TMEFF1: variants seen among roughly 807,000 people sequenced by gnomAD.
The protein encoded by TMEFF1 is tomoregulin-1.
In TMEFF1, 20 loss-of-function variants were observed where a neutral mutation model predicts 47.5. The ratio of observed to expected loss-of-function variants is 0.42; its 90% CI spans 0.30 to 0.61. The LOEUF is 0.61. Among genes scored for constraint, TMEFF1 ranks in the 20% least tolerant of loss-of-function variants. The pLI, the probability that TMEFF1 is intolerant of heterozygous loss-of-function variation, is 0.19. For synonymous variants in TMEFF1, 162 were observed against 166.3 expected (o/e 0.97, Z 0.20); for missense variants, 411 against 471.1 (o/e 0.87, Z 1.18).
chr9:100,542,982 G>A (rs1838662520), intron 5 of TMEFF1, among the ~76,000 whole-genome samples: 1 of 144,216 alleles, frequency 6.9e-6, no homozygotes. Context: ...AGGCTGGAGT[G>A]CAGTGGTGTG....
rs200527337 is a variant in TMEFF1, at chr9:100,572,587, T to C, written c.969T>C (p.Ser323=). ...TDFSILYVVP[S]RQKLTHVLIA... ...TTAGTATTCTCTATGTAGTGCCAAG[T>C]AGGCAAAAGCTCACTCATGTTCTTA... The change falls in exon 9 of 10, where the codon AGT becomes AGC. Residue 323 remains serine, a synonymous_variant. Transcript: ENST00000374879. The C allele has an allele frequency of 4.0e-5, 65 of 1,613,684 alleles. No individual in the cohort carries two copies. The highest frequency in any genetic ancestry group is 3.3e-5 in the Admixed American group (2 of 59,984).
At chr9:100,516,383 A>G (rs927859001) in intron 4 of TMEFF1, among the ~76,000 whole-genome samples, 3 of 152,152 alleles carry the variant, frequency 2.0e-5, no homozygotes, top group East Asian at 1.9e-4. Context: ...TCAGTGTTAT[A>G]TGGTAATTTT....
intron 5 of TMEFF1, among the ~76,000 whole-genome samples, chr9:100,546,337 A>G (rs1838731836): frequency 6.6e-6 from 1 of 152,164 alleles, no homozygotes; most frequent in African/African-American, 2.4e-5. Flanking sequence ...GTGCTTGTGC[A>G]GAGAAACTCC....
At chr9:100,480,076 G>A (rs1405449940) in intron 1 of TMEFF1, among the ~76,000 whole-genome samples, 1 of 152,160 alleles carries the variant, frequency 6.6e-6, no homozygotes, top group Admixed American at 6.6e-5. Context: ...TGGGTGTGAA[G>A]TTATGTATCA....
chr9:100,476,110 T>C (rs1217701205), intron 1 of TMEFF1, among the ~76,000 whole-genome samples: 1 of 152,106 alleles, frequency 6.6e-6, no homozygotes, highest in Non-Finnish European at 1.5e-5. Flanking sequence ...TGTCAATAAA[T>C]TAAGCTGATC....
intron 2 of TMEFF1, among the ~76,000 whole-genome samples, chr9:100,506,547 C>T (rs945803808): frequency 1.4e-4 from 21 of 152,098 alleles, no homozygotes; most frequent in African/African-American, 4.6e-4. Context: ...GGGCGGATCA[C>T]AGGGTCAGGA....
At position 100,482,300 on chromosome 9, in the gene TMEFF1, C is replaced by T. The variant is rs565325644; in HGVS notation, c.196+8560C>T. 1.3e-3 allele frequency among the ~76,000 whole-genome samples: 190 copies of T among 151,960 alleles called. 1 individual carries two copies. The highest frequency in any genetic ancestry group is 4.4e-3 in the African/African-American group (181 of 41,426). ...GCAACCTCCACCTCCCAGGTTCAAG[C>T]GATTCTCCTGCCTCAACCTCCAGAG... is the stretch of plus-strand genomic sequence containing the variant. On this transcript the variant is annotated intron_variant, in intron 1 of 9. Coordinates refer to ENST00000374879, the MANE Select transcript of TMEFF1 (RefSeq NM_003692.5).
chr9:100,551,228 A>G (rs1355163471), intron 7 of TMEFF1, among the ~76,000 whole-genome samples: 1 of 152,256 alleles, frequency 6.6e-6, no homozygotes, highest in Admixed American at 6.5e-5. Flanking sequence ...CTAGAGTTTC[A>G]TAAAAACTAA....
chr9:100,473,575 C>T lies in TMEFF1; in HGVS notation c.31C>T (p.Arg11Trp), dbSNP rs1461603750. MGAAAAEAPL[R>W]LPAAPPLAFC... ...CGCCGCAGCCGCTGAGGCGCCGCTC[C>T]GGCTGCCTGCCGCGCCTCCGCTCGC... The change falls in exon 1 of 10, where the codon CGG becomes TGG. Residue 11 changes from arginine to tryptophan, a missense_variant. By Grantham distance (101) the Arg-to-Trp change is moderately radical. Coordinates refer to ENST00000374879, the MANE Select transcript of TMEFF1 (RefSeq NM_003692.5). This position sits in a 1 kb window ranked among gnomAD's most constrained non-coding sequence, Gnocchi z 5.4. 4 of 1,545,018 alleles carry T rather than the reference C, an allele frequency of 2.6e-6. No individual in the cohort carries two copies. The highest frequency in any genetic ancestry group is 3.5e-6 in the Non-Finnish European group (4 of 1,147,760).
intron 5 of TMEFF1, among the ~76,000 whole-genome samples, chr9:100,525,953 C>G (rs529283435): frequency 6.6e-6 from 1 of 152,320 alleles, no homozygotes; most frequent in African/African-American, 2.4e-5. Context: ...ATTTTTGCTT[C>G]TAACTTCTTG....
intron 8 of TMEFF1, among the ~76,000 whole-genome samples, chr9:100,566,331 A>G (rs1000241200): frequency 2.0e-5 from 3 of 152,146 alleles, no homozygotes; most frequent in African/African-American, 4.8e-5. Flanking sequence ...GTAGATCCAT[A>G]TGCCTCCTTT....
At chr9:100,573,590 A>G (rs544385694) in intron 9 of TMEFF1, among the ~76,000 whole-genome samples, 1 of 152,170 alleles carries the variant, frequency 6.6e-6, no homozygotes, top group South Asian at 2.1e-4. Flanking sequence ...CATAAGCATC[A>G]TTTCTCCACT....
chr9:100,491,850 C>T (rs1379708048), intron 1 of TMEFF1, among the ~76,000 whole-genome samples: 1 of 151,078 alleles, frequency 6.6e-6, no homozygotes, highest in Non-Finnish European at 1.5e-5. Context: ...TGAAAGAGGG[C>T]CTATAATTTT....
intron 5 of TMEFF1, among the ~76,000 whole-genome samples, chr9:100,523,014 A>G (rs758397196): frequency 4.6e-5 from 7 of 152,206 alleles, no homozygotes; most frequent in Non-Finnish European, 8.8e-5. Context: ...CTGGGATTGC[A>G]GGCGTGGGCT....
In TMEFF1 at chr9:100,576,499, T is replaced by C; in HGVS notation, c.1059-17T>C. ...TCAAAACAATATTTTTCTCTCTTTC[T>C]TTTTTTAATGCAACAGAAAATGCCC... On this transcript the variant is annotated splice_polypyrimidine_tract_variant and intron_variant, in intron 9 of 9. Coordinates refer to ENST00000374879, the MANE Select transcript of TMEFF1 (RefSeq NM_003692.5). The C allele has an allele frequency of 6.2e-7, 1 of 1,601,882 alleles. No individual in the cohort carries two copies. The highest frequency in any genetic ancestry group is 8.5e-7 in the Non-Finnish European group (1 of 1,176,612).
chr9:100,562,562 C>T (rs1839036288), intron 8 of TMEFF1, among the ~76,000 whole-genome samples: 1 of 151,188 alleles, frequency 6.6e-6, no homozygotes, highest in Non-Finnish European at 1.5e-5. Context: ...CTAGCCTTCT[C>T]TTCTTTTTTT....
chr9:100,530,517 C>T (rs867473913), intron 5 of TMEFF1, among the ~76,000 whole-genome samples: 23 of 152,214 alleles, frequency 1.5e-4, no homozygotes, highest in African/African-American at 5.3e-4. Flanking sequence ...ACACATACAC[C>T]CTCCCAAGAC....
chr9:100,507,967 T>A (rs890401363), intron 2 of TMEFF1, among the ~76,000 whole-genome samples: 2 of 152,212 alleles, frequency 1.3e-5, no homozygotes, highest in African/African-American at 2.4e-5. Context: ...TTTAATTATG[T>A]TACCCCAAAG....
At chr9:100,563,358 G>A (rs903004583) in intron 8 of TMEFF1, among the ~76,000 whole-genome samples, 5 of 152,190 alleles carry the variant, frequency 3.3e-5, no homozygotes, top group South Asian at 2.1e-4. Context: ...AGGATGGTGC[G>A]TCTTTCAAGA....
Sources: gnomAD v4.1 joint callset for allele counts (sites outside exome capture counted in the v4.1 genomes callset) on GRCh38, gnomAD v4.1.1 for gene constraint, Gnocchi (gnomAD v3.1) non-coding constraint, MANE v1.5 for transcripts, NCBI Gene and HGNC (gene_info 2026-07-23, HGNC 2026-07-21) for gene names.